PDE1A: variants seen among roughly 807,000 people sequenced by gnomAD.
PDE1A encodes the protein phosphodiesterase 1A.
Under a neutral mutation model 61.7 loss-of-function variants are expected in PDE1A, and 35 were observed. The ratio of observed to expected loss-of-function variants is 0.57; its 90% CI spans 0.43 to 0.75. The LOEUF (loss-of-function observed/expected upper bound fraction) is 0.75. PDE1A is among the 30% of genes least tolerant of loss of function. PDE1A has a pLI of 0.00. For missense variants in PDE1A, 597 were observed against 630.6 expected (o/e 0.95, Z 0.57); for synonymous variants, 232 against 213.2 (o/e 1.09, Z -0.77).
the PDE1A span, among the ~76,000 whole-genome samples, chr2:182,600,894 T>C: frequency 0.15 from 23,533 of 152,102 alleles, 2,079 homozygotes; most frequent in Middle Eastern, 0.24. Flanking sequence ...CAGGCAGAGA[T>C]TTTTTAAGTG....
upstream of PDE1A, among the ~76,000 whole-genome samples, chr2:182,524,465 A>T (rs1690734442): frequency 6.6e-6 from 1 of 152,160 alleles, no homozygotes. Flanking sequence ...TCTTGTTTCA[A>T]TACTACAATT....
At chr2:182,243,841 G>C (rs1018343709) in intron 2 of PDE1A, among the ~76,000 whole-genome samples, 1 of 152,096 alleles carries the variant, frequency 6.6e-6, no homozygotes, top group Admixed American at 6.6e-5. Context: ...ATGGCTCAAA[G>C]TCTTAATGGT....
intron 2 of PDE1A, among the ~76,000 whole-genome samples, chr2:182,491,169 G>C (rs1385516799): frequency 1.3e-5 from 2 of 152,218 alleles, no homozygotes; most frequent in Non-Finnish European, 2.9e-5. Flanking sequence ...GGGTGCACTT[G>C]CAGTTTGTGG....
At chr2:182,652,232 C>T in the PDE1A span, among the ~76,000 whole-genome samples, 2 of 152,154 alleles carry the variant, frequency 1.3e-5, no homozygotes, top group African/African-American at 4.8e-5. Context: ...TATATATTAC[C>T]TGTCCCTTGA....
At chr2:182,185,904 A>G in exon 13 of PDE1A, 2 of 1,613,774 alleles carry the variant, frequency 1.2e-6, no homozygotes. Flanking sequence ...TGTGCAGCTA[A>G]CTCTTTCCAC....
the PDE1A span, among the ~76,000 whole-genome samples, chr2:182,691,758 A>G: frequency 6.6e-6 from 1 of 152,210 alleles, no homozygotes; most frequent in Non-Finnish European, 1.5e-5. Context: ...ACAGAATGGG[A>G]GAAAATTTTT....
At chr2:182,335,195 G>C (rs1481032819) in intron 1 of PDE1A, among the ~76,000 whole-genome samples, 1 of 152,064 alleles carries the variant, frequency 6.6e-6, no homozygotes, top group Non-Finnish European at 1.5e-5. Context: ...TACTGCCCTA[G>C]GTAATTTATA....
chr2:182,386,001 G>A (rs766495607), intron 1 of PDE1A, among the ~76,000 whole-genome samples: 42 of 152,302 alleles, frequency 2.8e-4, no homozygotes, highest in Non-Finnish European at 4.7e-4. Context: ...CTGTGATTGC[G>A]GGCGTGTGCC....
the PDE1A span, among the ~76,000 whole-genome samples, chr2:182,650,498 C>A: frequency 6.6e-6 from 1 of 152,158 alleles, no homozygotes; most frequent in Non-Finnish European, 1.5e-5. Flanking sequence ...CTCCTATATA[C>A]ATTTCATGTG....
At chr2:182,463,093 T>C (rs1255922753) in intron 2 of PDE1A, among the ~76,000 whole-genome samples, 3 of 151,642 alleles carry the variant, frequency 2.0e-5, no homozygotes, top group Non-Finnish European at 4.4e-5. Context: ...ATACAATAAT[T>C]AGCCAGGCGT....
At chr2:182,689,856 C>T in the PDE1A span, among the ~76,000 whole-genome samples, 12 of 152,108 alleles carry the variant, frequency 7.9e-5, no homozygotes, top group African/African-American at 1.7e-4. Flanking sequence ...ATATCACCAT[C>T]GATCCCACAG....
At chr2:182,192,843 T>A (rs1009403030) in intron 10 of PDE1A, among the ~76,000 whole-genome samples, 2 of 152,170 alleles carry the variant, frequency 1.3e-5, no homozygotes, top group African/African-American at 4.8e-5. Flanking sequence ...TAATTGTTTT[T>A]AAATGCCTTC....
chr2:182,348,213 T>C (rs1432907210), intron 1 of PDE1A, among the ~76,000 whole-genome samples: 1 of 152,188 alleles, frequency 6.6e-6, no homozygotes, highest in Non-Finnish European at 1.5e-5. Context: ...TAAGCCAGTA[T>C]GGGCAAAGGA....
intron 2 of PDE1A, among the ~76,000 whole-genome samples, chr2:182,258,060 C>T (rs559255119): frequency 1.5e-4 from 23 of 151,584 alleles, no homozygotes; most frequent in South Asian, 4.2e-4. Flanking sequence ...CCCAGCTACG[C>T]GGGAGGCTGA....
intron 1 of PDE1A, among the ~76,000 whole-genome samples, chr2:182,266,337 G>A (rs184521432): frequency 6.6e-6 from 1 of 152,222 alleles, no homozygotes; most frequent in African/African-American, 2.4e-5. Context: ...AAGATACAGA[G>A]GGTTTTGAGA....
chr2:182,273,335 C>A (rs1420575810), intron 1 of PDE1A, among the ~76,000 whole-genome samples: 1 of 151,732 alleles, frequency 6.6e-6, no homozygotes, highest in Non-Finnish European at 1.5e-5. Context: ...AAAAAGATGT[C>A]AAAATTCATC....
chr2:182,608,110 C>G, the PDE1A span, among the ~76,000 whole-genome samples: 2 of 152,224 alleles, frequency 1.3e-5, no homozygotes, highest in East Asian at 3.8e-4. Context: ...GCCCTTCTGT[C>G]TCTCAGTTCC....
chr2:182,507,920 T>C lies in PDE1A; in HGVS notation c.101+14356A>G, dbSNP rs928568565. Among the ~76,000 whole-genome samples the C allele has an allele frequency of 2.6e-4, 39 of 152,122 alleles. 1 individual carries two copies. Among genetic ancestry groups the C allele is most frequent in the African/African-American group, 9.4e-4 (39 of 41,422 alleles). On this transcript the variant is annotated intron_variant, in intron 2 of 14. Coordinates refer to the PDE1A transcript ENST00000410103. ...AAGAATGCTTGAAAAAAATACTGTG[T>C]AGTTTAAGTTCTGTTTGGGAAGTAA...
At chr2:182,380,150 G>A (rs538364770) in intron 1 of PDE1A, among the ~76,000 whole-genome samples, 4 of 123,180 alleles carry the variant, frequency 3.2e-5, no homozygotes, top group Non-Finnish European at 6.3e-5. Context: ...TTGCTCTGTC[G>A]CCCAGGCTGG....
Sources: allele counts gnomAD v4.1 joint callset (sites outside exome capture counted in the v4.1 genomes callset), GRCh38; gene constraint gnomAD v4.1.1; transcripts MANE v1.5; gene names NCBI Gene and HGNC (gene_info 2026-07-23, HGNC 2026-07-21).